Variants in DNAH8 observed in about 807,000 individuals in gnomAD.
DNAH8 encodes the protein dynein axonemal heavy chain 8.
Under a neutral mutation model 562.1 loss-of-function variants are expected in DNAH8, and 382 were observed. The ratio of observed to expected loss-of-function variants is 0.68; its 90% confidence interval spans 0.63 to 0.74. The LOEUF (loss-of-function observed/expected upper bound fraction) is 0.74. Ranked by LOEUF, DNAH8 falls within the 30% of genes least tolerant of loss-of-function variation. The pLI, the probability that DNAH8 is intolerant of heterozygous loss-of-function variation, is 0.00. For synonymous variants in DNAH8, 1,881 were observed against 1,919.4 expected (o/e 0.98, Z 0.52); for missense variants, 5,203 against 5,620.4 (o/e 0.93, Z 2.37).
At chr6:38,915,510 G>A in intron 68 of DNAH8, 133 bp downstream of exon 68, 1 of 766,884 alleles carries the variant, frequency 1.3e-6, no homozygotes, top group Non-Finnish European at 1.9e-6. Context: ...GGAAACAAAT[G>A]TGTCAATTAA....
chr6:38,842,289 G>A (rs756539369), intron 33 of DNAH8, 79 bp from the exon 34 acceptor site: 31 of 1,160,620 alleles, frequency 2.7e-5, no homozygotes, highest in Middle Eastern at 4.3e-4. Flanking sequence ...ATATTTGATT[G>A]GATGAACTCT....
At chr6:39,000,862 G>A (rs569636783) in intron 88 of DNAH8, among the ~76,000 whole-genome samples, 1 of 152,204 alleles carries the variant, frequency 6.6e-6, no homozygotes, top group Non-Finnish European at 1.5e-5. Context: ...GGGAACCGCT[G>A]TCTTAAAGGA....
rs1208938388 is a variant in DNAH8, at chr6:38,815,498, CA to C, written c.3366del (p.Ala1123ProfsTer5). 4 of 1,613,534 alleles carry C rather than the reference CA, an allele frequency of 2.5e-6. No individual in the cohort carries two copies. The highest frequency in any genetic ancestry group is 8.5e-7 in the Non-Finnish European group (1 of 1,179,820). Reference protein sequence around the residue: ...VMIPSLDDIQQAINRMIQLTL... With the variant: ...VMIPSLDDIQXAINRMIQLTL... ...GATTCCTAGTTTGGATGACATTCAA[CA>C]AGCCATTAACCGTATGATCCAGTTA... On this transcript the variant is annotated frameshift_variant, in exon 26 of 93. Transcript: ENST00000327475. LOFTEE classifies it high-confidence loss of function.
chr6:38,860,432 T>A (rs755528203), intron 42 of DNAH8, 25 bp from the exon 43 acceptor site: 1 of 1,325,278 alleles, frequency 7.5e-7, no homozygotes, highest in Non-Finnish European at 9.9e-7. Flanking sequence ...CAGTATATAA[T>A]TTTTTTGTAT....
In DNAH8 at chr6:38,857,637, T is replaced by G; in HGVS notation, c.5853T>G (p.Asn1951Lys). 1.2e-6 allele frequency: 2 copies of G among 1,613,656 alleles called. No homozygotes were observed. The highest frequency in any genetic ancestry group is 2.2e-5 in the South Asian group (2 of 91,054). Residue 1951 changes from asparagine (N) to lysine (K), a missense_variant, in exon 42 of 93, where the codon AAT (asparagine) becomes AAG (lysine). Coordinates refer to ENST00000327475, the MANE Select transcript of DNAH8 (RefSeq NM_001206927.2). ...ATCAGAAATTTTTGGATATTCTAAATACTCTCATTAGTCAGACAACACATG... is the reference window on the plus strand; with the variant it reads ...ATCAGAAATTTTTGGATATTCTAAAGACTCTCATTAGTCAGACAACACATG... ...VTNQKFLDIL[N>K]TLISQTTHDL...
intron 32 of DNAH8, among the ~76,000 whole-genome samples, chr6:38,835,639 C>A (rs140838819): frequency 6.6e-6 from 1 of 151,996 alleles, no homozygotes; most frequent in Non-Finnish European, 1.5e-5. Flanking sequence ...TACAAAGGCC[C>A]GGCAGAGAGG....
intron 68 of DNAH8, among the ~76,000 whole-genome samples, chr6:38,916,018 G>A: frequency 6.6e-6 from 1 of 152,016 alleles, no homozygotes. Context: ...ACTTTCTTGG[G>A]TTTCTATGGG....
intron 24 of DNAH8, among the ~76,000 whole-genome samples, chr6:38,808,219 T>G (rs78436268): frequency 6.1e-4 from 93 of 152,308 alleles, no homozygotes; most frequent in African/African-American, 2.0e-3. Flanking sequence ...GAATAAAGCT[T>G]CTGTGAGTAC....
intron 1 of DNAH8, among the ~76,000 whole-genome samples, chr6:38,715,790 A>ACCGATCTCGGCTC (rs1554190059): frequency 7.0e-6 from 1 of 143,396 alleles, no homozygotes; most frequent in Non-Finnish European, 1.6e-5. Context: ...GTGAGGGATG[A>ACCGATCTCGGCTC]AACAACTACA....
chr6:38,750,621 T>C (rs755245804), intron 9 of DNAH8, 32 bp downstream of exon 9: 21 of 1,365,344 alleles, frequency 1.5e-5, no homozygotes, highest in Non-Finnish European at 2.2e-5. Flanking sequence ...AATTTTAAAC[T>C]GAGGGCAGTG....
chr6:39,026,212 A>G (rs1411882287), intron 91 of DNAH8, among the ~76,000 whole-genome samples: 3 of 152,208 alleles, frequency 2.0e-5, no homozygotes, highest in East Asian at 1.9e-4. Context: ...TCAATATTAT[A>G]TTTTCAAATA....
intron 87 of DNAH8, among the ~76,000 whole-genome samples, chr6:38,985,578 G>T (rs946338433): frequency 6.6e-6 from 1 of 152,212 alleles, no homozygotes; most frequent in African/African-American, 2.4e-5. Flanking sequence ...GAGCCCTGCT[G>T]CTGGGAGGTC....
intron 9 of DNAH8, among the ~76,000 whole-genome samples, chr6:38,754,236 C>T (rs1292995057): frequency 6.6e-6 from 1 of 152,090 alleles, no homozygotes; most frequent in East Asian, 1.9e-4. Flanking sequence ...GTTTAAAGTT[C>T]AGATGAAGGA....
chr6:38,904,348 G>A (rs773406884), intron 62 of DNAH8, among the ~76,000 whole-genome samples: 9 of 152,056 alleles, frequency 5.9e-5, no homozygotes, highest in Non-Finnish European at 1.3e-4. Context: ...AATAGGGTGC[G>A]TCATGGAAAG....
intron 26 of DNAH8, among the ~76,000 whole-genome samples, chr6:38,821,526 A>C (rs904527494): frequency 6.6e-6 from 1 of 152,176 alleles, no homozygotes; most frequent in African/African-American, 2.4e-5. Context: ...TGGCCAAAAA[A>C]ATTTTGAAAA....
At chr6:38,799,020 TG>T (rs914346087) in intron 21 of DNAH8, among the ~76,000 whole-genome samples, 1 of 152,182 alleles carries the variant, frequency 6.6e-6, no homozygotes, top group Non-Finnish European at 1.5e-5. Context: ...TGTCTTCTCT[TG>T]GTGCCTCCTC....
intron 42 of DNAH8, among the ~76,000 whole-genome samples, chr6:38,858,120 G>A (rs7748684): frequency 0.42 from 64,122 of 152,012 alleles, 14,166 homozygotes; most frequent in East Asian, 0.69. Flanking sequence ...TGGTGATCAT[G>A]GGCTTGATTT....
At chr6:38,848,892 A>T in intron 37 of DNAH8, 91 bp downstream of exon 37, 1 of 1,289,828 alleles carries the variant, frequency 7.8e-7, no homozygotes, top group Non-Finnish European at 1.1e-6. Context: ...CATATGGTCA[A>T]GGCTTGACTA....
At chr6:38,790,835 A>G (rs1456768492) in intron 20 of DNAH8, among the ~76,000 whole-genome samples, 1 of 151,588 alleles carries the variant, frequency 6.6e-6, no homozygotes, top group Non-Finnish European at 1.5e-5. Context: ...AAAAAAAAAA[A>G]CAAAACAAAA....
Sources: gnomAD v4.1 joint callset for allele counts (sites outside exome capture counted in the v4.1 genomes callset) on GRCh38, gnomAD v4.1.1 for gene constraint, MANE v1.5 for transcripts, NCBI Gene and HGNC (gene_info 2026-07-23, HGNC 2026-07-21) for gene names.